The following CENPF variants were observed in gnomAD, a reference collection of about 807,000 sequenced individuals.
CENPF encodes centromere protein F.
A neutral mutation model predicts 307.3 loss-of-function variants in CENPF; 214 were observed. The ratio of observed to expected loss-of-function variants is 0.70; its 90% CI spans 0.62 to 0.78. The LOEUF (loss-of-function observed/expected upper bound fraction) is 0.78, where lower values mean the gene tolerates loss of function less well. Ranked by LOEUF, CENPF falls within the 30% of genes least tolerant of loss-of-function variation. The probability of loss-of-function intolerance (pLI) is 0.00; values close to 1 mark genes in which losing one functional copy is unlikely to be tolerated. For missense variants in CENPF, 3,401 were observed against 3,483.9 expected (o/e 0.98, Z 0.60); for synonymous variants, 1,259 against 1,270.6 (o/e 0.99, Z 0.19).
chr1:214,651,496 G>A (rs766057331), intron 14 of CENPF, among the ~76,000 whole-genome samples: 7 of 152,280 alleles, frequency 4.6e-5, no homozygotes, highest in Non-Finnish European at 7.4e-5. Flanking sequence ...ATGACCTTGC[G>A]AGGTGGTTGG....
Position 214,645,821 on chromosome 1 carries a change from A to G in CENPF, c.6251A>G (p.Tyr2084Cys). 1.2e-6 allele frequency: 2 copies of G among 1,614,234 alleles called. No homozygotes were observed. Among genetic ancestry groups the G allele is most frequent in the Non-Finnish European group, 1.7e-6 (2 of 1,180,034 alleles). ...CAGGCCAGACTGAGTGAATCAGATTATGAAAAGCTGAATGTCTCCAAGGCC... is the reference window on the plus strand; with the variant it reads ...CAGGCCAGACTGAGTGAATCAGATTGTGAAAAGCTGAATGTCTCCAAGGCC... Reference protein sequence around the residue: ...SLQARLSESDYEKLNVSKALE... With the variant: ...SLQARLSESDCEKLNVSKALE... Residue 2084 changes from tyrosine (Y) to cysteine (C), a missense_variant, in exon 13 of 20, where the codon TAT becomes TGT. Tyr to Cys is a radical substitution (Grantham distance 194, BLOSUM62 -2). Coordinates refer to ENST00000366955, the MANE Select transcript of CENPF (RefSeq NM_016343.4).
Position 214,663,627 on chromosome 1 carries a change from A to G in CENPF, c.9178A>G (p.Thr3060Ala), listed in dbSNP as rs918035037. Residue 3060 changes from threonine to alanine, a missense_variant, in exon 20 of 20, where the codon ACC (threonine) becomes GCC (alanine). By Grantham distance (58) the Thr-to-Ala change is moderately conservative (BLOSUM62 0). Transcript: ENST00000366955. ...TCAGCGGAGCCCAGTAGATTCAGGC[A>G]CCATCCTCCGAGAACCCACCACGAA... ...VAQRSPVDSGTILREPTTKSV... is the reference protein window; with the variant it reads ...VAQRSPVDSGAILREPTTKSV... The G allele has an allele frequency of 6.2e-7, 1 of 1,614,112 alleles. No homozygotes were observed. Among genetic ancestry groups the G allele is most frequent in the South Asian group, 1.1e-5 (1 of 91,068 alleles).
rs778367057 is a variant in CENPF at position 214,644,664 on chromosome 1, T to C, written c.5094T>C (p.Ala1698=). ...TTCATCAGATTTGTGATAAAGATGC[T>C]CAGCAGGACCTCAATCTAGACATTG... ...HDVHQICDKD[A]QQDLNLDIEK... is the part of the protein sequence containing the mutation. The change falls in exon 13 of 20, where the codon GCT becomes GCC. Residue 1698 remains alanine, a synonymous_variant. Transcript: ENST00000366955. 1.2e-6 allele frequency: 2 copies of C among 1,614,058 alleles called. No individual in the cohort carries two copies. The highest frequency in any genetic ancestry group is 1.7e-6 in the Non-Finnish European group (2 of 1,179,982).
Position 214,622,979 on chromosome 1 carries a change from A to G in CENPF, c.1068+698A>G, listed in dbSNP as rs548203418. Reference sequence around the variant, plus strand: ...CGAATCCCCACACTTTGGGAGGTTGAGACACGCGGATCACTTGAGGCTAGG... The same window carrying G: ...CGAATCCCCACACTTTGGGAGGTTGGGACACGCGGATCACTTGAGGCTAGG... On this transcript the variant is annotated intron_variant, in intron 7 of 19. Transcript: ENST00000366955. Among the ~76,000 whole-genome samples, 37 of 152,342 alleles carry G rather than the reference A, an allele frequency of 2.4e-4. 1 individual carries two copies. Among genetic ancestry groups the G allele is most frequent in the African/African-American group, 8.9e-4 (37 of 41,584 alleles).
intron 14 of CENPF, among the ~76,000 whole-genome samples, chr1:214,651,146 A>C (rs1165695385): frequency 1.3e-5 from 2 of 152,190 alleles, no homozygotes; most frequent in Non-Finnish European, 2.9e-5. Flanking sequence ...ACACATACAG[A>C]AACACATACA....
At chr1:214,616,885 CTTT>C (rs1657364301) in intron 3 of CENPF, among the ~76,000 whole-genome samples, 2 of 104,468 alleles carry the variant, frequency 1.9e-5, no homozygotes, top group African/African-American at 3.8e-5. Context: ...TTCTTTCTTT[CTTT>C]CTTTCTTTCT....
In CENPF at chr1:214,643,024, C is replaced by T. The variant is rs1385083536; in HGVS notation, c.4686C>T (p.Ser1562=). ...CCCTCTGTGAGGTGTACCGGCAGTCCCTCGAGAAGCTAGAAGAGAAAATGG... is the reference window on the plus strand; with the variant it reads ...CCCTCTGTGAGGTGTACCGGCAGTCTCTCGAGAAGCTAGAAGAGAAAATGG... ...LESLCEVYRQ[S]LEKLEEKMES... Residue 1562 remains serine, a synonymous_variant, in exon 12 of 20, where the codon TCC becomes TCT. Transcript: ENST00000366955. 1.9e-6 allele frequency: 3 copies of T among 1,608,756 alleles called. No homozygotes were observed. Among genetic ancestry groups the T allele is most frequent in the Non-Finnish European group, 2.5e-6 (3 of 1,178,564 alleles).
chr1:214,608,019 G>T (rs762339460), intron 1 of CENPF, among the ~76,000 whole-genome samples: 1 of 152,212 alleles, frequency 6.6e-6, no homozygotes. Flanking sequence ...CCGCCGGGTG[G>T]CATCCACGCC....
At chr1:214,609,188 C>G (rs1052415047) in intron 1 of CENPF, among the ~76,000 whole-genome samples, 1 of 152,116 alleles carries the variant, frequency 6.6e-6, no homozygotes, top group Non-Finnish European at 1.5e-5. Flanking sequence ...GCATCGCCAC[C>G]GCCGCAGCTC....
chr1:214,630,158 T>C lies in CENPF; in HGVS notation c.1195-376T>C, dbSNP rs538799804. On this transcript the variant is annotated intron_variant, in intron 8 of 19. Transcript: ENST00000366955. ...TAAAGTGGTATACAGTTTTTTGTGTTTTAAACACCGTTTTTGAGTATGTTT... is the reference window on the plus strand; with the variant it reads ...TAAAGTGGTATACAGTTTTTTGTGTCTTAAACACCGTTTTTGAGTATGTTT... 4.6e-5 allele frequency among the ~76,000 whole-genome samples: 7 copies of C among 152,352 alleles called. No homozygotes were observed. In the East Asian group the frequency reaches 9.6e-4, roughly 21 times the overall value.
At chr1:214,655,507 T>A (rs1205609095) in intron 17 of CENPF, 104 bp downstream of exon 17, 3 of 944,132 alleles carry the variant, frequency 3.2e-6, no homozygotes, top group Non-Finnish European at 4.4e-6. Flanking sequence ...TGTGTTCTAT[T>A]ACTGAGTGCT....
Position 214,640,876 on chromosome 1 carries a change from C to A in CENPF, c.2538C>A (p.Asn846Lys), listed in dbSNP as rs750829273. ...EFSLESQKQM[N>K]SDLQKQCEEL... ...CATTAGAGTCTCAAAAACAGATGAA[C>A]TCAGACCTGCAAAAGCAGTGTGAAG... The change falls in exon 12 of 20, where the codon AAC (asparagine) becomes AAA (lysine). Residue 846 changes from asparagine to lysine, a missense_variant. By Grantham distance (94) the Asn-to-Lys change is moderately conservative (BLOSUM62 0). Coordinates refer to ENST00000366955, the MANE Select transcript of CENPF (RefSeq NM_016343.4). 2 of 1,601,858 alleles carry A rather than the reference C, an allele frequency of 1.2e-6. No homozygotes were observed. Among genetic ancestry groups the A allele is most frequent in the Non-Finnish European group, 8.5e-7 (1 of 1,176,782 alleles).
intron 6 of CENPF, 122 bp downstream of exon 6, chr1:214,621,068 T>C: frequency 2.5e-6 from 2 of 804,986 alleles, no homozygotes; most frequent in Non-Finnish European, 4.0e-6. Flanking sequence ...GTGTTCAACA[T>C]CCTAGACTGG....
At chr1:214,625,978 A>G (rs909824920) in intron 7 of CENPF, among the ~76,000 whole-genome samples, 1 of 152,118 alleles carries the variant, frequency 6.6e-6, no homozygotes, top group African/African-American at 2.4e-5. Context: ...AGGAAAGCCT[A>G]TTATATTTGT....
At position 214,646,122 on chromosome 1, in the gene CENPF, A is replaced by T; in HGVS notation, c.6552A>T (p.Val2184=). 1 of 1,614,116 alleles carries T rather than the reference A, an allele frequency of 6.2e-7. No individual in the cohort carries two copies. Among genetic ancestry groups the T allele is most frequent in the Non-Finnish European group, 8.5e-7 (1 of 1,180,034 alleles). Residue 2184 remains valine (V), a synonymous_variant, in exon 13 of 20, where the codon GTA becomes GTT. Transcript: ENST00000366955. ...ATGCCGAGAATTCCAAAGCAGAAGT[A>T]GAGACTCTAAAAACACAAATAGAAG... ...ILDAENSKAE[V]ETLKTQIEEM... is the part of the protein sequence containing the mutation.
At chr1:214,616,910 TTTCTTTCTTTCTTCTTTCTTTCC>T (rs1657370224) in intron 3 of CENPF, among the ~76,000 whole-genome samples, 1 of 77,684 alleles carries the variant, frequency 1.3e-5, no homozygotes, top group Admixed American at 1.3e-4. Context: ...TCTTTCTTTC[TTTCTTTCTTTCTTCTTTCTTTCC>T]ACCCTCCCTC....
Position 214,613,697 on chromosome 1 carries a change from C to A in CENPF, c.-41-17C>A. 1 of 1,483,574 alleles carries A rather than the reference C, an allele frequency of 6.7e-7. No homozygotes were observed. The highest frequency in any genetic ancestry group is 1.4e-5 in the South Asian group (1 of 72,972). 91.9% of individuals were successfully genotyped at this position (1,483,574 alleles called of 1,614,324 possible). On this transcript the variant is annotated splice_polypyrimidine_tract_variant and intron_variant, in intron 1 of 19. Transcript: ENST00000366955. ...CTTTTACTGTGGTAAGACCAACAGT[C>A]TGGTTATTCTTTTCAGTTTATTTAC...
chr1:214,661,061 T>C (rs1658775718), intron 19 of CENPF, among the ~76,000 whole-genome samples: 1 of 152,224 alleles, frequency 6.6e-6, no homozygotes, highest in Non-Finnish European at 1.5e-5. Flanking sequence ...CGTTCAGACT[T>C]ACTATCTAGG....
intron 1 of CENPF, among the ~76,000 whole-genome samples, chr1:214,612,533 G>T (rs1387453196): frequency 6.6e-6 from 1 of 151,994 alleles, no homozygotes; most frequent in Non-Finnish European, 1.5e-5. Flanking sequence ...GGAAACCAGG[G>T]GTACAGACAA....
Sources: allele counts gnomAD v4.1 joint callset (sites outside exome capture counted in the v4.1 genomes callset), GRCh38; gene constraint gnomAD v4.1.1; transcripts MANE v1.5; gene names NCBI Gene and HGNC (gene_info 2026-07-23, HGNC 2026-07-21).